RHOA: variants seen among roughly 807,000 people sequenced by gnomAD.
The protein encoded by RHOA is ras homolog family member A, also known as transforming protein RhoA.
A neutral mutation model predicts 17.5 loss-of-function variants in RHOA; 3 were observed. The observed-to-expected ratio is 0.17, with a 90% CI of 0.08 to 0.44. The LOEUF is 0.44. Among genes scored for constraint, RHOA ranks in the 20% least tolerant of loss-of-function variants. RHOA has a pLI of 0.99. For missense variants in RHOA, 56 were observed against 242.3 expected, an observed-to-expected ratio of 0.23 and a Z score of 5.10; for synonymous variants, 98 against 88.4, an observed-to-expected ratio of 1.11 and a Z score of -0.61.
chr3:49,404,611 CAAAAAAAAAAAAAAA>C (rs71080508), intron 1 of RHOA, among the ~76,000 whole-genome samples: 2 of 33,166 alleles, frequency 6.0e-5, no homozygotes, highest in Non-Finnish European at 9.8e-5. Flanking sequence ...GACTCCGTCT[CAAAAAAAAAAAAAAA>C]AAAAAAAAAA....
intron 1 of RHOA, among the ~76,000 whole-genome samples, chr3:49,394,647 G>C (rs1216452605): frequency 1.3e-5 from 2 of 152,042 alleles, no homozygotes; most frequent in African/African-American, 4.8e-5. Context: ...CACTGCATCC[G>C]GCCACAAACC....
At chr3:49,368,629 C>T in intron 2 of RHOA, 81 bp from the exon 3 acceptor site, 3 of 1,469,242 alleles carry the variant, frequency 2.0e-6, no homozygotes, top group Non-Finnish European at 2.8e-6. Context: ...TACCATAGTA[C>T]ATTGAAATGG....
At chr3:49,400,662 A>G (rs541846588) in intron 1 of RHOA, among the ~76,000 whole-genome samples, 44 of 152,132 alleles carry the variant, frequency 2.9e-4, no homozygotes, top group Admixed American at 2.4e-3. Flanking sequence ...TCAAGGCTGC[A>G]GTGAGCTATG....
At chr3:49,363,614 G>A (rs1404830867) in intron 3 of RHOA, among the ~76,000 whole-genome samples, 1 of 152,108 alleles carries the variant, frequency 6.6e-6, no homozygotes, top group Non-Finnish European at 1.5e-5. Context: ...CACTTTGGGA[G>A]GCTTAGGTGG....
chr3:49,399,563 A>C (rs1018244722), intron 1 of RHOA, among the ~76,000 whole-genome samples: 1 of 151,430 alleles, frequency 6.6e-6, no homozygotes, highest in Non-Finnish European at 1.5e-5. Flanking sequence ...TGTCTCTAGA[A>C]TAGTACACAG....
intron 1 of RHOA, among the ~76,000 whole-genome samples, chr3:49,390,068 G>A (rs1178388489): frequency 1.3e-5 from 2 of 152,052 alleles, no homozygotes; most frequent in Non-Finnish European, 2.9e-5. Flanking sequence ...TTTATTGGCG[G>A]GTCCCCGTCC....
intron 1 of RHOA, among the ~76,000 whole-genome samples, chr3:49,381,315 G>C (rs1385588014): frequency 6.6e-6 from 1 of 151,382 alleles, no homozygotes; most frequent in East Asian, 1.9e-4. Context: ...TGAGGCAGGA[G>C]AATCTCCTGA....
intron 3 of RHOA, among the ~76,000 whole-genome samples, chr3:49,367,272 G>C (rs1429122397): frequency 6.9e-6 from 1 of 145,548 alleles, no homozygotes; most frequent in Admixed American, 7.3e-5. Context: ...CAACCCAGGA[G>C]GCAGAGCTTG....
At chr3:49,368,707 C>CT (rs374609508) in intron 2 of RHOA, among the ~76,000 whole-genome samples, 159 bp from the exon 3 acceptor site, 2,565 of 130,286 alleles carry the variant, frequency 0.02, 72 homozygotes, top group African/African-American at 0.057. Flanking sequence ...TTTCTTTTTT[C>CT]TTTTTTTTTT....
chr3:49,385,680 A>G (rs1268928648), intron 1 of RHOA, among the ~76,000 whole-genome samples: 2 of 151,272 alleles, frequency 1.3e-5, no homozygotes, highest in Non-Finnish European at 3.0e-5. Flanking sequence ...TCAAGGTCGT[A>G]AAAAAAATAT....
In RHOA at chr3:49,362,480, C is replaced by T; in HGVS notation, c.408+16G>A. 2.5e-6 allele frequency: 4 copies of T among 1,602,748 alleles called. No individual in the cohort carries two copies. Among genetic ancestry groups the T allele is most frequent in the Non-Finnish European group, 3.4e-6 (4 of 1,173,734 alleles). ...AGTTCAAGAATACTACAAGACAGTC[C>T]TGCCCCAGATCATGCCTGCTTCATC... On this transcript the variant is annotated intron_variant, in intron 4 of 4. Coordinates refer to ENST00000418115, the MANE Select transcript of RHOA (RefSeq NM_001664.4).
chr3:49,366,207 T>C (rs1575644797), intron 3 of RHOA, among the ~76,000 whole-genome samples: 1 of 152,152 alleles, frequency 6.6e-6, no homozygotes, highest in African/African-American at 2.4e-5. Flanking sequence ...GTGTATCTGA[T>C]AGGAGAGTGT....
chr3:49,392,174 T>G (rs1218067624), intron 1 of RHOA, among the ~76,000 whole-genome samples: 1 of 151,986 alleles, frequency 6.6e-6, no homozygotes, highest in Non-Finnish European at 1.5e-5. Context: ...AAAACAATGC[T>G]GGTCAGGCAC....
At chr3:49,398,986 C>G (rs1428633583) in intron 1 of RHOA, among the ~76,000 whole-genome samples, 1 of 136,772 alleles carries the variant, frequency 7.3e-6, no homozygotes, top group Non-Finnish European at 1.5e-5. Context: ...CCTCGGGAGG[C>G]AGAGGTTGCA....
chr3:49,384,136 A>G (rs1020055159), intron 1 of RHOA, among the ~76,000 whole-genome samples: 5 of 152,204 alleles, frequency 3.3e-5, no homozygotes, highest in African/African-American at 1.2e-4. Context: ...AAAAATTACA[A>G]GTGATTATCG....
chr3:49,382,138 TGAAATCCCGTC>T, intron 1 of RHOA, among the ~76,000 whole-genome samples: 1 of 146,906 alleles, frequency 6.8e-6, no homozygotes, highest in African/African-American at 2.5e-5. Flanking sequence ...GCTAACATAG[TGAAATCCCGTC>T]TCTACTAAAA....
chr3:49,368,159 C>A (rs544340757), intron 3 of RHOA, among the ~76,000 whole-genome samples: 1 of 152,190 alleles, frequency 6.6e-6, no homozygotes, highest in African/African-American at 2.4e-5. Flanking sequence ...GTGATCCACC[C>A]GTCTGGACCT....
At chr3:49,392,450 GAAC>G (rs1196416194) in intron 1 of RHOA, among the ~76,000 whole-genome samples, 3 of 151,990 alleles carry the variant, frequency 2.0e-5, no homozygotes, top group East Asian at 1.9e-4. Context: ...TCAAAAACAA[GAAC>G]AACAAAAAAC....
At position 49,359,228 on chromosome 3, in the gene RHOA, G is replaced by A. The variant is rs2047914593; in HGVS notation, c.*981C>T. ...AGTTTAGTCAGCTGGAGAGAAGAGA[G>A]ACTGAGTGCCACCCATGAGAACTGG... On this transcript the variant is annotated 3_prime_UTR_variant, in exon 5 of 5. Transcript: ENST00000418115. 5.2e-6 allele frequency: 1 copy of A among 191,326 alleles called. No homozygotes were observed. The highest frequency in any genetic ancestry group is 1.9e-4 in the South Asian group (1 of 5,150). The allele number at this position is 191,326 out of a possible 1,614,324, so 11.9% of individuals were successfully genotyped here. A position where few individuals can be genotyped will look rare whatever the true frequency, so the allele number is the denominator to read the frequency against.
Sources: allele counts gnomAD v4.1 joint callset (sites outside exome capture counted in the v4.1 genomes callset), GRCh38; gene constraint gnomAD v4.1.1; transcripts MANE v1.5; gene names NCBI Gene and HGNC (gene_info 2026-07-23, HGNC 2026-07-21).